Variants in COL24A1 observed in about 807,000 individuals in gnomAD.
COL24A1 encodes collagen alpha-1(XXIV) chain.
COL24A1 carries 224 observed loss-of-function variants against 253.9 expected under a neutral mutation model. The ratio of observed to expected loss-of-function variants is 0.88; its 90% CI spans 0.79 to 0.99. The LOEUF is 0.99. Among genes scored for constraint, COL24A1 ranks in the 50% least tolerant of loss-of-function variants. The pLI is 0.00. For synonymous variants in COL24A1, 685 were observed against 673.7 expected (o/e 1.02, Z -0.26); for missense variants, 2,131 against 2,068.5 (o/e 1.03, Z -0.59).
chr1:86,089,130 G>GAAAAAAAAAAAA (rs56934354), intron 7 of COL24A1, 44 bp downstream of exon 7: 7 of 1,396,664 alleles, frequency 5.0e-6, no homozygotes, highest in South Asian at 1.3e-5. Context: ...ACAAAAAAAA[G>GAAAAAAAAAAAA]AAAAAAAGAA....
chr1:85,831,160 G>A (rs1675231422), intron 43 of COL24A1, among the ~76,000 whole-genome samples: 1 of 152,008 alleles, frequency 6.6e-6, no homozygotes, highest in Non-Finnish European at 1.5e-5. Context: ...ACGAGCCTTA[G>A]CAAAACATGA....
chr1:86,048,680 T>C (rs760089446), intron 11 of COL24A1, among the ~76,000 whole-genome samples: 106 of 152,032 alleles, frequency 7.0e-4, no homozygotes, highest in African/African-American at 8.5e-4. Flanking sequence ...TTAGTAGAGA[T>C]GGGGTTTCAC....
At chr1:85,754,565 A>C (rs1410853754) in intron 55 of COL24A1, among the ~76,000 whole-genome samples, 3 of 149,596 alleles carry the variant, frequency 2.0e-5, no homozygotes, top group Non-Finnish European at 4.5e-5. Context: ...AAAAAAAAAA[A>C]GAACTAAAGG....
chr1:86,154,750 T>TCG (rs1049648509), intron 1 of COL24A1: 2 of 152,844 alleles, frequency 1.3e-5, no homozygotes, highest in East Asian at 1.9e-4. Context: ...AGCGTGGGCC[T>TCG]CGCGCGGTGG....
At chr1:85,825,401 T>C (rs1674172104) in intron 43 of COL24A1, among the ~76,000 whole-genome samples, 1 of 152,206 alleles carries the variant, frequency 6.6e-6, no homozygotes, top group Non-Finnish European at 1.5e-5. Context: ...CATGTGTCTT[T>C]ATAGCAGCAT....
intron 35 of COL24A1, among the ~76,000 whole-genome samples, chr1:85,870,541 A>T (rs1571000917): frequency 1.3e-5 from 2 of 152,302 alleles, no homozygotes; most frequent in African/African-American, 4.8e-5. Context: ...GGATTAAGAA[A>T]CTCACTCAAC....
chr1:85,931,936 C>G (rs957912059), intron 24 of COL24A1, among the ~76,000 whole-genome samples: 2 of 11,054 alleles, frequency 1.8e-4, no homozygotes, highest in South Asian at 3.9e-3. Context: ...AAAATCAATT[C>G]AAGATGGATT....
intron 47 of COL24A1, among the ~76,000 whole-genome samples, chr1:85,803,585 C>T (rs1437454545): frequency 7.8e-6 from 1 of 127,712 alleles, no homozygotes; most frequent in South Asian, 2.9e-4. Context: ...TATAGGTTTG[C>T]ACTTTTTTTT....
chr1:85,784,228 A>G (rs313725), intron 49 of COL24A1, 31 bp downstream of exon 49: 1,524,568 of 1,611,686 alleles, frequency 0.95, 724,237 homozygotes, highest in Non-Finnish European at 0.96. Context: ...TGTAGAATAA[A>G]TGCTTGGTGA....
At chr1:85,917,428 T>C (rs1686002126) in intron 24 of COL24A1, among the ~76,000 whole-genome samples, 1 of 152,164 alleles carries the variant, frequency 6.6e-6, no homozygotes, top group Admixed American at 6.5e-5. Context: ...TTAGTTCTTA[T>C]CCATGTCCTT....
intron 3 of COL24A1, among the ~76,000 whole-genome samples, chr1:86,118,108 G>A (rs1706328010): frequency 6.6e-6 from 1 of 151,742 alleles, no homozygotes; most frequent in African/African-American, 2.4e-5. Flanking sequence ...TGTCACCTAG[G>A]CTGGAGTATA....
chr1:86,135,151 A>G (rs1650016200), intron 2 of COL24A1, among the ~76,000 whole-genome samples: 1 of 145,176 alleles, frequency 6.9e-6, no homozygotes, highest in Non-Finnish European at 1.5e-5. Context: ...AGTCTGTTTT[A>G]TCAGAGGCTA....
intron 5 of COL24A1, among the ~76,000 whole-genome samples, chr1:86,098,576 G>T (rs1341753870): frequency 6.6e-6 from 1 of 152,116 alleles, no homozygotes; most frequent in African/African-American, 2.4e-5. Context: ...GAAGAACATG[G>T]TAAATACTTT....
intron 13 of COL24A1, among the ~76,000 whole-genome samples, chr1:86,033,002 G>A (rs1698703261): frequency 6.6e-6 from 1 of 152,060 alleles, no homozygotes; most frequent in African/African-American, 2.4e-5. Flanking sequence ...AAGAAAAATG[G>A]TAAACATTCC....
intron 43 of COL24A1, among the ~76,000 whole-genome samples, chr1:85,830,836 G>A (rs1177191024): frequency 6.6e-6 from 1 of 152,138 alleles, no homozygotes; most frequent in East Asian, 1.9e-4. Context: ...ACTCCCTAGT[G>A]AGATGAACCC....
chr1:85,761,610 T>C (rs771559027), intron 53 of COL24A1, 44 bp from the exon 54 acceptor site: 2 of 1,603,572 alleles, frequency 1.2e-6, no homozygotes, highest in Non-Finnish European at 8.5e-7. Flanking sequence ...TATTATACTT[T>C]TGGTTGGGTA....
chr1:86,070,982 T>A (rs1472603345), intron 7 of COL24A1, among the ~76,000 whole-genome samples: 2 of 152,098 alleles, frequency 1.3e-5, no homozygotes, highest in African/African-American at 4.8e-5. Context: ...TCTCTTGAAT[T>A]AAGTGGAAAG....
chr1:86,152,626 T>G (rs890999624), intron 1 of COL24A1, among the ~76,000 whole-genome samples: 1 of 152,186 alleles, frequency 6.6e-6, no homozygotes, highest in African/African-American at 2.4e-5. Context: ...AAGCAATTCA[T>G]GCAGTGCAAG....
At chr1:85,973,288 T>A (rs983578029) in intron 20 of COL24A1, among the ~76,000 whole-genome samples, 1 of 152,170 alleles carries the variant, frequency 6.6e-6, no homozygotes, top group Non-Finnish European at 1.5e-5. Flanking sequence ...CCTAAGTATA[T>A]AATTATCAGT....
Sources: gnomAD v4.1 joint callset for allele counts (sites outside exome capture counted in the v4.1 genomes callset) on GRCh38, gnomAD v4.1.1 for gene constraint, MANE v1.5 for transcripts, NCBI Gene and HGNC (gene_info 2026-07-23, HGNC 2026-07-21) for gene names.